CFTR: variants seen among roughly 807,000 people sequenced by gnomAD.
CFTR encodes cystic fibrosis transmembrane conductance regulator.
Under a neutral mutation model 171.6 loss-of-function variants are expected in CFTR, and 181 were observed. The observed-to-expected ratio is 1.05, with a 90% CI of 0.93 to 1.19. The LOEUF is 1.19. CFTR is among the 50% of genes most tolerant of loss of function. The probability of loss-of-function intolerance (pLI) is 0.00; values close to 1 mark genes in which losing one functional copy is unlikely to be tolerated. For synonymous variants in CFTR, 583 were observed against 608.0 expected (o/e 0.96, Z 0.60); for missense variants, 1,968 against 1,734.7 (o/e 1.13, Z -2.39).
rs35920406 is a variant in CFTR, at chr7:117,504,076, T to A, written c.54-177T>A. The stretch of plus-strand genomic sequence containing the variant: ...CATTAGTTCAGAGATATTGATGTTT[T>A]ATACAGGTGTAGCCTGTAAGAGATG... On this transcript the variant is annotated intron_variant, in intron 1 of 26. Transcript: ENST00000003084. 4.6e-3 allele frequency among the ~76,000 whole-genome samples: 697 copies of A among 152,318 alleles called. 5 individuals carry two copies. Among genetic ancestry groups the A allele is most frequent in the African/African-American group, 0.016 (646 of 41,580 alleles).
chr7:117,501,747 CAAAAAA>C (rs1212853305), intron 1 of CFTR, among the ~76,000 whole-genome samples: 2 of 43,904 alleles, frequency 4.6e-5, no homozygotes, highest in African/African-American at 1.3e-4. Flanking sequence ...AACTCTGTCT[CAAAAAA>C]AAAAAAAAAA....
At chr7:117,569,672 G>A (rs1435076103) in intron 11 of CFTR, among the ~76,000 whole-genome samples, 1 of 152,118 alleles carries the variant, frequency 6.6e-6, no homozygotes, top group East Asian at 1.9e-4. Context: ...ATAGAAAAAG[G>A]AGACAGAAAC....
intron 3 of CFTR, among the ~76,000 whole-genome samples, chr7:117,512,156 C>T (rs1187360795): frequency 2.0e-5 from 3 of 152,124 alleles, no homozygotes; most frequent in African/African-American, 7.2e-5. Flanking sequence ...ATAAAATTTG[C>T]TGTTAACTGT....
chr7:117,643,675 C>T (rs1792953561), intron 23 of CFTR, among the ~76,000 whole-genome samples: 1 of 152,018 alleles, frequency 6.6e-6, no homozygotes. Flanking sequence ...TAAAGAAACA[C>T]TGGAAATACA....
At chr7:117,501,426 A>G (rs1798324297) in intron 1 of CFTR, among the ~76,000 whole-genome samples, 1 of 151,952 alleles carries the variant, frequency 6.6e-6, no homozygotes, top group Admixed American at 6.6e-5. Context: ...TAATTAAATA[A>G]ATTATATTAA....
At chr7:117,519,887 A>G (rs1360647468) in intron 3 of CFTR, among the ~76,000 whole-genome samples, 1 of 151,846 alleles carries the variant, frequency 6.6e-6, no homozygotes, top group Non-Finnish European at 1.5e-5. Flanking sequence ...TTAAAAGCTG[A>G]CTCTTAGAAG....
At chr7:117,530,516 A>G (rs1017601079) in intron 3 of CFTR, among the ~76,000 whole-genome samples, 2 of 152,202 alleles carry the variant, frequency 1.3e-5, no homozygotes, top group Non-Finnish European at 2.9e-5. Context: ...AGTAAACAAA[A>G]AAAAAGCCTA....
rs1797981639 is a variant in CFTR at position 117,480,278 on chromosome 7, A to G, written c.53+131A>G. ...ATGCGCTATCATTCATTGTTTTGAA[A>G]GAAAATGTGGGTATTGTAGAATAAA... is the stretch of plus-strand genomic sequence containing the variant. On this transcript the variant is annotated intron_variant, in intron 1 of 26. Coordinates refer to ENST00000003084, the MANE Select transcript of CFTR (RefSeq NM_000492.4). 12 of 824,714 alleles carry G rather than the reference A, an allele frequency of 1.5e-5. No individual in the cohort carries two copies. The East Asian group carries it at 3.0e-4, about 21-fold the overall frequency. 51.1% of individuals were successfully genotyped at this position (824,714 alleles called of 1,614,324 possible).
At chr7:117,495,370 C>G (rs1263958291) in intron 1 of CFTR, among the ~76,000 whole-genome samples, 1 of 152,100 alleles carries the variant, frequency 6.6e-6, no homozygotes, top group Non-Finnish European at 1.5e-5. Context: ...TTTGTTTCCT[C>G]TGTTATGTTT....
At chr7:117,603,931 G>A in intron 17 of CFTR, 149 bp downstream of exon 17, 1 of 804,890 alleles carries the variant, frequency 1.2e-6, no homozygotes. Context: ...ACATGTCTCA[G>A]ATATTATAGG....
chr7:117,640,472 C>T (rs35183640), intron 22 of CFTR, among the ~76,000 whole-genome samples: 121 of 152,210 alleles, frequency 7.9e-4, no homozygotes, highest in Non-Finnish European at 1.3e-3. Flanking sequence ...GGAACATGGA[C>T]ATTTATCTAA....
intron 11 of CFTR, among the ~76,000 whole-genome samples, chr7:117,562,522 G>T (rs1360217001): frequency 6.6e-6 from 1 of 152,168 alleles, no homozygotes; most frequent in Non-Finnish European, 1.5e-5. Context: ...TTGGCTCCAT[G>T]CTCAGGAAAT....
chr7:117,643,731 G>A (rs1329459826), intron 23 of CFTR, among the ~76,000 whole-genome samples: 1 of 152,174 alleles, frequency 6.6e-6, no homozygotes, highest in Non-Finnish European at 1.5e-5. Flanking sequence ...ATGTTGAAAA[G>A]CGAAAAAGAA....
chr7:117,667,167 G>A lies in CFTR; in HGVS notation c.*59G>A. On this transcript the variant is annotated 3_prime_UTR_variant, in exon 27 of 27. Coordinates refer to ENST00000003084, the MANE Select transcript of CFTR (RefSeq NM_000492.4). ...TCATGGAATTGGAGCTCGTGGGACA[G>A]TCACCTCATGGAATTGGAGCTCGTG... is the stretch of plus-strand genomic sequence containing the variant. The A allele has an allele frequency of 6.9e-7, 1 of 1,454,542 alleles. No individual in the cohort carries two copies. Among genetic ancestry groups the A allele is most frequent in the Non-Finnish European group, 9.6e-7 (1 of 1,041,974 alleles). 90.1% of individuals were successfully genotyped at this position (1,454,542 alleles called of 1,614,324 possible).
chr7:117,536,206 T>A (rs1450827716), intron 6 of CFTR, among the ~76,000 whole-genome samples: 1 of 152,190 alleles, frequency 6.6e-6, no homozygotes, highest in Non-Finnish European at 1.5e-5. Context: ...AGCACTTTGT[T>A]TGAATCCCAG....
rs397508716 is a variant in CFTR, at chr7:117,667,082, G to T, written c.4417G>T (p.Glu1473Ter). The T allele has an allele frequency of 1.9e-6, 3 of 1,614,030 alleles. No homozygotes were observed. Among genetic ancestry groups the T allele is most frequent in the Non-Finnish European group, 2.5e-6 (3 of 1,179,948 alleles). The change falls in exon 27 of 27, where the codon GAA (glutamate) becomes TAA (stop). Residue 1473 changes from glutamate to a stop codon, truncating the protein, a stop_gained. Coordinates refer to ENST00000003084, the MANE Select transcript of CFTR (RefSeq NM_000492.4). LOFTEE classifies it high-confidence loss of function. ...TGCTGCTCTGAAAGAGGAGACAGAA[G>T]AAGAGGTGCAAGATACAAGGCTTTA... Reference protein sequence around the residue: ...QIAALKEETEEEVQDTRL With the variant: ...QIAALKEETE
At chr7:117,517,938 A>C (rs1157252821) in intron 3 of CFTR, among the ~76,000 whole-genome samples, 1 of 151,908 alleles carries the variant, frequency 6.6e-6, no homozygotes, top group Non-Finnish European at 1.5e-5. Flanking sequence ...TTCCTTGTAG[A>C]TTTTGGATAT....
At chr7:117,556,314 C>T (rs2027946) in intron 10 of CFTR, among the ~76,000 whole-genome samples, 17,097 of 151,820 alleles carry the variant, frequency 0.11, 1,457 homozygotes, top group East Asian at 0.41. Context: ...CTGCCTGCCT[C>T]GGCCTCCCAA....
intron 22 of CFTR, among the ~76,000 whole-genome samples, chr7:117,637,605 G>C (rs148866047): frequency 6.6e-6 from 1 of 152,028 alleles, no homozygotes; most frequent in Non-Finnish European, 1.5e-5. Flanking sequence ...GGCCAGGTGC[G>C]GTGGCTCACG....
Sources: allele counts gnomAD v4.1 joint callset (sites outside exome capture counted in the v4.1 genomes callset), GRCh38; gene constraint gnomAD v4.1.1; transcripts MANE v1.5; gene names NCBI Gene and HGNC (gene_info 2026-07-23, HGNC 2026-07-21).